The following KCNAB1 variants were observed in gnomAD, a reference collection of about 807,000 sequenced individuals.
KCNAB1 encodes potassium voltage-gated channel subfamily A regulatory beta subunit 1.
A neutral mutation model predicts 64.6 loss-of-function variants in KCNAB1; 35 were observed. The observed-to-expected ratio is 0.54, with a 90% CI of 0.41 to 0.72. The LOEUF is 0.72. Among genes scored for constraint, KCNAB1 ranks in the 30% least tolerant of loss-of-function variants. The pLI, the probability that KCNAB1 is intolerant of heterozygous loss-of-function variation, is 0.00. For missense variants in KCNAB1, 401 were observed against 512.9 expected (o/e 0.78, Z 2.11); for synonymous variants, 177 against 183.8 (o/e 0.96, Z 0.30).
intron 1 of KCNAB1, among the ~76,000 whole-genome samples, chr3:156,331,004 C>T (rs1356394416): frequency 2.0e-5 from 3 of 152,096 alleles, no homozygotes. Flanking sequence ...ACTGAACCTC[C>T]TTCTCATCCT....
At chr3:156,411,988 T>C (rs551380435) in intron 1 of KCNAB1, among the ~76,000 whole-genome samples, 139 of 152,332 alleles carry the variant, frequency 9.1e-4, no homozygotes, top group Non-Finnish European at 1.3e-3. Context: ...ATCTTAGCCA[T>C]ATTGAGTCAT....
At chr3:156,291,687 T>A in intron 1 of KCNAB1, 1 of 1,412,276 alleles carries the variant, frequency 7.1e-7, no homozygotes, top group Middle Eastern at 2.6e-4. Context: ...GTCTGTTTAC[T>A]TCTCTGGGTC....
intron 1 of KCNAB1, among the ~76,000 whole-genome samples, chr3:156,203,714 CCAAAGATAT>C (rs1714482523): frequency 6.6e-6 from 1 of 152,052 alleles, no homozygotes; most frequent in Admixed American, 6.6e-5. Flanking sequence ...CTATTTGCTG[CCAAAGATAT>C]ATTCTTAAAT....
chr3:156,434,088 G>A (rs1455842282), intron 2 of KCNAB1, among the ~76,000 whole-genome samples: 1 of 152,170 alleles, frequency 6.6e-6, no homozygotes, highest in Non-Finnish European at 1.5e-5. Context: ...TGGAGAGGGA[G>A]CCATGTGGGA....
intron 1 of KCNAB1, among the ~76,000 whole-genome samples, chr3:156,332,133 T>G (rs999684374): frequency 1.3e-5 from 2 of 152,174 alleles, no homozygotes; most frequent in Admixed American, 6.5e-5. Flanking sequence ...GAATAGTATG[T>G]GGGGTTTTTA....
chr3:156,459,752 G>T lies in KCNAB1; in HGVS notation c.438-75G>T. 17 of 1,086,748 alleles carry T rather than the reference G, an allele frequency of 1.6e-5. 1 individual carries two copies. The South Asian group carries it at 2.2e-4, about 14-fold the overall frequency. The allele number at this position is 1,086,748 out of a possible 1,614,324, so 67.3% of individuals were successfully genotyped here. A position where few individuals can be genotyped will look rare whatever the true frequency, so the allele number is the denominator to read the frequency against. ...GGCACTGAGAGTTCAAACAAGGAAT[G>T]GTTCTTGTGTTCTGGATTGACTCTT... On this transcript the variant is annotated intron_variant, in intron 4 of 13. Transcript: ENST00000490337.
chr3:156,455,351 C>T (rs868196588), intron 3 of KCNAB1, among the ~76,000 whole-genome samples: 19 of 152,126 alleles, frequency 1.2e-4, no homozygotes, highest in Non-Finnish European at 2.1e-4. Context: ...TGGGGATGTC[C>T]CCATCACTGG....
intron 7 of KCNAB1, among the ~76,000 whole-genome samples, chr3:156,466,310 T>C (rs1406103176): frequency 6.6e-6 from 1 of 152,136 alleles, no homozygotes; most frequent in Non-Finnish European, 1.5e-5. Flanking sequence ...CAGTATTTTA[T>C]CCCTTTCTTT....
At chr3:156,120,182 G>T (rs968744513), upstream of KCNAB1, among the ~76,000 whole-genome samples, 1 of 152,130 alleles carries the variant, frequency 6.6e-6, no homozygotes, top group African/African-American at 2.4e-5. Context: ...ACTCCAAAGG[G>T]ACTCTAATCA....
In KCNAB1 at chr3:156,121,309, A is replaced by G. The variant is rs995166909; in HGVS notation, c.275+423A>G. Among the ~76,000 whole-genome samples the G allele has an allele frequency of 1.2e-4, 18 of 152,254 alleles. 1 individual carries two copies. The East Asian group carries it at 3.5e-3, about 29-fold the overall frequency. On this transcript the variant is annotated intron_variant, in intron 1 of 13. Transcript: ENST00000490337. ...TTTGTTTTGCCTGGTTGAAAAGTGG[A>G]GTTGAGTAGTGTGAACTTGTTGAAT... is the stretch of plus-strand genomic sequence containing the variant.
rs115049482 is a variant in KCNAB1 at position 156,430,781 on chromosome 3, C to A, written c.319+9122C>A. Among the ~76,000 whole-genome samples, 1,164 of 152,310 alleles carry A rather than the reference C, an allele frequency of 7.6e-3. 11 individuals carry two copies. Among genetic ancestry groups the A allele is most frequent in the African/African-American group, 0.027 (1,109 of 41,556 alleles). On this transcript the variant is annotated intron_variant, in intron 2 of 13. Transcript: ENST00000490337. The stretch of plus-strand genomic sequence containing the variant: ...CTCTTCATGTCCCAAACTTCCGCTT[C>A]CTCCTTGAAATGAGAATGGCTGCAC...
At chr3:156,385,385 GA>G (rs1453212071) in intron 1 of KCNAB1, among the ~76,000 whole-genome samples, 4 of 151,380 alleles carry the variant, frequency 2.6e-5, no homozygotes, top group African/African-American at 9.7e-5. Flanking sequence ...AAGCTTATCA[GA>G]GAAGAAACCA....
intron 8 of KCNAB1, among the ~76,000 whole-genome samples, chr3:156,490,598 T>A (rs1365195763): frequency 2.0e-5 from 3 of 152,160 alleles, no homozygotes; most frequent in African/African-American, 7.2e-5. Context: ...ATGGCTAATT[T>A]TTTAAAGTCA....
intron 1 of KCNAB1, among the ~76,000 whole-genome samples, chr3:156,269,241 A>G (rs1718893386): frequency 6.6e-6 from 1 of 152,138 alleles, no homozygotes; most frequent in Admixed American, 6.5e-5. Flanking sequence ...GTGCCAGTAC[A>G]ATACTGTTTT....
At chr3:156,256,734 A>T (rs1173976552) in intron 1 of KCNAB1, among the ~76,000 whole-genome samples, 1 of 152,140 alleles carries the variant, frequency 6.6e-6, no homozygotes, top group Non-Finnish European at 1.5e-5. Context: ...ACTCCTCCAG[A>T]TATACTTCCT....
chr3:156,419,209 A>G (rs1346361655), intron 1 of KCNAB1, among the ~76,000 whole-genome samples: 1 of 152,214 alleles, frequency 6.6e-6, no homozygotes, highest in African/African-American at 2.4e-5. Context: ...TTGTTAGAAC[A>G]ATCTCTGAAC....
In KCNAB1 at chr3:156,495,280, G is replaced by A. The variant is rs554931398; in HGVS notation, c.659-19084G>A. Among the ~76,000 whole-genome samples the A allele has an allele frequency of 2.6e-4, 40 of 152,178 alleles. 1 individual carries two copies. The South Asian group carries it at 4.6e-3, about 17-fold the overall frequency. On this transcript the variant is annotated intron_variant, in intron 8 of 13. Transcript: ENST00000490337. Reference sequence around the variant, plus strand: ...AAAGGAATACTTTTACACTATTGGTGGAAGTGTAAATTAGTTCAGCCATTG... The same window carrying A: ...AAAGGAATACTTTTACACTATTGGTAGAAGTGTAAATTAGTTCAGCCATTG...
At chr3:156,246,520 T>C (rs558617500) in intron 1 of KCNAB1, among the ~76,000 whole-genome samples, 1 of 151,746 alleles carries the variant, frequency 6.6e-6, no homozygotes, top group East Asian at 1.9e-4. Context: ...GGAAAATAGC[T>C]TGAACCCGAG....
chr3:156,244,122 A>G (rs1717322715), intron 1 of KCNAB1, among the ~76,000 whole-genome samples: 1 of 152,250 alleles, frequency 6.6e-6, no homozygotes. Flanking sequence ...TTAGTGGCTT[A>G]AAACAACACA....
Sources: allele counts gnomAD v4.1 joint callset (sites outside exome capture counted in the v4.1 genomes callset), GRCh38; gene constraint gnomAD v4.1.1; transcripts MANE v1.5; gene names NCBI Gene and HGNC (gene_info 2026-07-23, HGNC 2026-07-21).